Variants in ZNF208 observed in about 807,000 individuals in gnomAD.
ZNF208 encodes zinc finger protein 95.
ZNF208 carries 10 observed loss-of-function variants against 12.1 expected under a neutral mutation model. The observed-to-expected ratio is 0.83, with a 90% CI of 0.51 to 1.40. The LOEUF (loss-of-function observed/expected upper bound fraction) is 1.40, where lower values mean the gene tolerates loss of function less well. Ranked by LOEUF, ZNF208 falls within the 40% of genes most tolerant of loss-of-function variation. ZNF208 has a pLI of 0.00. For missense variants in ZNF208, 1,652 were observed against 1,485.0 expected, an observed-to-expected ratio of 1.11 and a Z score of -1.85; for synonymous variants, 497 against 488.4, an observed-to-expected ratio of 1.02 and a Z score of -0.23.
At chr19:21,987,976 G>A (rs775231959) in intron 2 of ZNF208, among the ~76,000 whole-genome samples, 4 of 151,900 alleles carry the variant, frequency 2.6e-5, no homozygotes, top group Admixed American at 6.6e-5. Flanking sequence ...CGTCGCCACC[G>A]GACTTTCTGT....
Position 21,972,063 on chromosome 19 carries a change from G to A in ZNF208, c.2971C>T (p.His991Tyr), listed in dbSNP as rs953896604. The A allele has an allele frequency of 1.2e-5, 20 of 1,613,612 alleles. No homozygotes were observed. Among genetic ancestry groups the A allele is most frequent in the Non-Finnish European group, 9.3e-6 (11 of 1,179,912 alleles). The change falls in exon 4 of 4, where the codon CAT becomes TAT. Residue 991 changes from histidine (H) to tyrosine (Y), a missense_variant. His to Tyr is a moderately conservative substitution (Grantham distance 83, BLOSUM62 2). This residue lies in a region of ZNF208 where 1,239 missense variants were observed against 1,086.2 expected (regional missense o/e 1.14). Transcript: ENST00000397126. ...GFSTFSILTK[H>Y]KVIHTGEKPY... ...TTCTCTCCAGTATGAATTACCTTAT[G>A]TTTAGTAAGGATTGAGAATGTACTA...
rs778442429 is a variant in ZNF208, at chr19:21,970,767, C to T, written c.*424G>A. ...TTTAAAAGCTTTGCCAAATTCTTCACATTTTTAGAATTTCTCTCCAGCATG... is the reference window on the plus strand; with the variant it reads ...TTTAAAAGCTTTGCCAAATTCTTCATATTTTTAGAATTTCTCTCCAGCATG... On this transcript the variant is annotated 3_prime_UTR_variant, in exon 4 of 4. Transcript: ENST00000397126. 3.6e-6 allele frequency: 5 copies of T among 1,394,652 alleles called. No homozygotes were observed. The highest frequency in any genetic ancestry group is 1.2e-5 in the South Asian group (1 of 85,866). 86.4% of individuals were successfully genotyped at this position (1,394,652 alleles called of 1,614,324 possible). A position where few individuals can be genotyped will look rare whatever the true frequency, so the allele number is the denominator to read the frequency against.
In ZNF208 at chr19:21,967,264, A is replaced by G. The variant is rs1378694787; in HGVS notation, c.*3927T>C. On this transcript the variant is annotated 3_prime_UTR_variant, in exon 4 of 4. Transcript: ENST00000397126. ...GTAGTACAGTTTTCTTCCACATATG[A>G]CTAACCAGTTTTCCCAGTATTACTT... 6.6e-6 allele frequency: 1 copy of G among 151,952 alleles called. No homozygotes were observed. The highest frequency in any genetic ancestry group is 1.5e-5 in the Non-Finnish European group (1 of 67,978). The allele number at this position is 151,952 out of a possible 1,614,324, so 9.4% of individuals were successfully genotyped here. A position where few individuals can be genotyped will look rare whatever the true frequency, so the allele number is the denominator to read the frequency against.
At chr19:22,005,047 A>T (rs555937639) in intron 1 of ZNF208, among the ~76,000 whole-genome samples, 15 of 152,328 alleles carry the variant, frequency 9.8e-5, no homozygotes, top group Middle Eastern at 3.4e-3. Context: ...GCAGGCAGAT[A>T]AGATTATGAA....
intron 3 of ZNF208, among the ~76,000 whole-genome samples, chr19:21,975,170 G>GTTTTT (rs997055995): frequency 3.9e-5 from 6 of 151,994 alleles, no homozygotes; most frequent in Non-Finnish European, 8.8e-5. Flanking sequence ...GTTTTGTTTT[G>GTTTTT]TTTTGTTCTG....
downstream of ZNF208, among the ~76,000 whole-genome samples, chr19:21,961,391 T>C (rs113993141): frequency 1.2e-3 from 185 of 152,140 alleles, 2 homozygotes; most frequent in African/African-American, 4.1e-3. Context: ...TCTGAGGAAA[T>C]AGGGCAAGGA....
rs1970199959 is a variant in ZNF208 at position 21,967,802 on chromosome 19, G to C, written c.*3389C>G. Reference sequence around the variant, plus strand: ...CAATAAAAATCGTCATGGATAGTCTGATAAAAATAGCACTTAATCTGTAGG... The same window carrying C: ...CAATAAAAATCGTCATGGATAGTCTCATAAAAATAGCACTTAATCTGTAGG... On this transcript the variant is annotated 3_prime_UTR_variant, in exon 4 of 4. Transcript: ENST00000397126. The C allele has an allele frequency of 6.6e-6, 1 of 152,126 alleles. No homozygotes were observed. The highest frequency in any genetic ancestry group is 2.4e-5 in the African/African-American group (1 of 41,430). 9.4% of individuals were successfully genotyped at this position (152,126 alleles called of 1,614,324 possible). A position where few individuals can be genotyped will look rare whatever the true frequency, so the allele number is the denominator to read the frequency against.
chr19:22,009,502 A>G (rs1971103786), intron 1 of ZNF208: 1 of 152,196 alleles, frequency 6.6e-6, no homozygotes, highest in African/African-American at 2.4e-5. Flanking sequence ...TAATCCCAGC[A>G]CTTTGGGAGG....
downstream of ZNF208, among the ~76,000 whole-genome samples, chr19:21,961,763 C>T (rs1970074712): frequency 6.7e-6 from 1 of 150,280 alleles, no homozygotes; most frequent in African/African-American, 2.4e-5. Flanking sequence ...CTTGCATGTC[C>T]ATTTGTAGGC....
chr19:21,949,535 C>A (rs1344031761), intron 4 of ZNF208, among the ~76,000 whole-genome samples: 7 of 152,044 alleles, frequency 4.6e-5, no homozygotes, highest in Admixed American at 4.6e-4. Flanking sequence ...TTTATACCAC[C>A]TTATTAAAAA....
Position 21,970,951 on chromosome 19 carries a change from T to C in ZNF208, c.*240A>G, listed in dbSNP as rs192487111. On this transcript the variant is annotated 3_prime_UTR_variant, in exon 4 of 4. Coordinates refer to ENST00000397126, the MANE Select transcript of ZNF208 (RefSeq NM_007153.3). ...ATTCTTTGCATTTGTATGGTTTCTC[T>C]CCAGTATGAATTACCTTATGTTTAG... Among the ~76,000 whole-genome samples, 3 of 152,116 alleles carry C rather than the reference T, an allele frequency of 2.0e-5. No individual in the cohort carries two copies. In the East Asian group the frequency reaches 5.8e-4, roughly 30 times the overall value.
At chr19:21,949,555 A>C (rs1969861176) in intron 4 of ZNF208, among the ~76,000 whole-genome samples, 1 of 152,160 alleles carries the variant, frequency 6.6e-6, no homozygotes, top group Admixed American at 6.5e-5. Context: ...AAACTCAAGC[A>C]CCTAAAAACT....
chr19:21,963,223 A>G (rs776054923), downstream of ZNF208, among the ~76,000 whole-genome samples: 30 of 152,160 alleles, frequency 2.0e-4, no homozygotes, highest in Non-Finnish European at 1.6e-4. Context: ...ATTTTTCTCT[A>G]TATTAGTAAA....
chr19:21,964,103 T>C (rs1970122674), downstream of ZNF208, among the ~76,000 whole-genome samples: 1 of 151,922 alleles, frequency 6.6e-6, no homozygotes, highest in Non-Finnish European at 1.5e-5. Context: ...ATGCCATAAA[T>C]ATGTGCAACT....
At chr19:21,955,944 T>C (rs1969968352) in intron 4 of ZNF208, among the ~76,000 whole-genome samples, 1 of 152,244 alleles carries the variant, frequency 6.6e-6, no homozygotes, top group African/African-American at 2.4e-5. Context: ...TTTTCTGCTC[T>C]GGTTTCTCCC....
At position 21,971,691 on chromosome 19, in the gene ZNF208, A is replaced by C; in HGVS notation, c.3343T>G (p.Cys1115Gly). 6.2e-7 allele frequency: 1 copy of C among 1,613,852 alleles called. No individual in the cohort carries two copies. The highest frequency in any genetic ancestry group is 8.5e-7 in the Non-Finnish European group (1 of 1,179,958). The stretch of plus-strand genomic sequence containing the variant: ...CTAAAGCTTTTGCCACATTCTTCAC[A>C]TTTGTAGGGTTTCTCTCCAGTATGA... ...RIHTGEKPYK[C>G]EECGKSFSTF... Residue 1115 changes from cysteine (C) to glycine (G), a missense_variant, in exon 4 of 4, where the codon TGT becomes GGT. Around this residue, in one of 3 missense-constraint regions of ZNF208, gnomAD observed 1,239 missense variants for 1,086.2 expected, o/e 1.14. Coordinates refer to ENST00000397126, the MANE Select transcript of ZNF208 (RefSeq NM_007153.3).
intron 3 of ZNF208, among the ~76,000 whole-genome samples, chr19:21,984,978 T>C (rs1366180130): frequency 6.6e-6 from 1 of 152,224 alleles, no homozygotes; most frequent in Non-Finnish European, 1.5e-5. Flanking sequence ...ATTATTACTG[T>C]AAGCTAGTAG....
rs1236064492 is a variant in ZNF208, at chr19:21,987,281, A to G, written c.161T>C (p.Ile54Thr). ...GIAAFKPDLI[I>T]FLEEGKESWN... is the part of the protein sequence containing the mutation. ...GGACTCTTTTCCTTCCTCCAGAAAA[A>G]TGATCAGGTCTGGCTTAAAGGCAGC... The change falls in exon 3 of 4, where the codon ATT becomes ACT. Residue 54 changes from isoleucine (I) to threonine (T), a missense_variant. Transcript: ENST00000397126. 1 of 1,612,606 alleles carries G rather than the reference A, an allele frequency of 6.2e-7. No homozygotes were observed.
chr19:21,943,100 G>A (rs772204247), intron 4 of ZNF208, among the ~76,000 whole-genome samples: 1 of 152,152 alleles, frequency 6.6e-6, no homozygotes, highest in Non-Finnish European at 1.5e-5. Context: ...AAATCAACTG[G>A]AAGGCACTTT....
Sources: gnomAD v4.1 joint callset for allele counts (sites outside exome capture counted in the v4.1 genomes callset) on GRCh38, gnomAD v4.1.1 for gene constraint, gnomAD v4.1.1 regional missense constraint, MANE v1.5 for transcripts, NCBI Gene and HGNC (gene_info 2026-07-23, HGNC 2026-07-21) for gene names.